GSAP: variants seen among roughly 807,000 people sequenced by gnomAD.
GSAP encodes gamma-secretase activating protein.
GSAP carries 118 observed loss-of-function variants against 131.7 expected under a neutral mutation model. The ratio of observed to expected loss-of-function variants is 0.90; its 90% confidence interval spans 0.77 to 1.04. The LOEUF is 1.04. GSAP is among the 50% of genes least tolerant of loss of function. The pLI, the probability that GSAP is intolerant of heterozygous loss-of-function variation, is 0.00. For missense variants in GSAP, 1,019 were observed against 1,013.2 expected, an observed-to-expected ratio of 1.01 and a Z score of -0.08; for synonymous variants, 381 against 363.4, an observed-to-expected ratio of 1.05 and a Z score of -0.55.
chr7:77,406,986 G>A (rs868239400), intron 1 of GSAP, among the ~76,000 whole-genome samples: 9 of 152,190 alleles, frequency 5.9e-5, no homozygotes, highest in Non-Finnish European at 8.8e-5. Context: ...AAGAACCCGG[G>A]CTAGGGATGC....
chr7:77,394,098 A>G (rs192704255), intron 5 of GSAP, among the ~76,000 whole-genome samples: 263 of 152,320 alleles, frequency 1.7e-3, no homozygotes, highest in African/African-American at 6.0e-3. Flanking sequence ...GCCGCAGTCC[A>G]TCTTCCACGC....
Position 77,321,372 on chromosome 7 carries a change from T to C in GSAP, c.1955A>G (p.Asn652Ser), listed in dbSNP as rs767016428. Residue 652 changes from asparagine to serine, a missense_variant, in exon 25 of 31, where the codon AAT (asparagine) becomes AGT (serine). Physicochemically the swap from Asn to Ser is conservative, Grantham distance 46. Coordinates refer to ENST00000257626, the MANE Select transcript of GSAP (RefSeq NM_017439.4). ...GGAATGAAGATTATGTTTCCTCCAA[T>C]TGGTTTCTACGATGTGGCAAATGAG... ...LDLICHIVET[N>S]WRKHNLHSWV... is the part of the protein sequence containing the mutation. The C allele has an allele frequency of 1.9e-6, 3 of 1,607,384 alleles. No homozygotes were observed. Among genetic ancestry groups the C allele is most frequent in the South Asian group, 1.1e-5 (1 of 90,938 alleles).
intron 24 of GSAP, among the ~76,000 whole-genome samples, chr7:77,322,553 T>C (rs150072527): frequency 7.9e-5 from 12 of 151,168 alleles, no homozygotes; most frequent in African/African-American, 1.7e-4. Context: ...AGGTGATAGG[T>C]GGATGTGTTA....
intron 12 of GSAP, among the ~76,000 whole-genome samples, chr7:77,370,216 G>A (rs1406662495): frequency 6.6e-6 from 1 of 152,198 alleles, no homozygotes; most frequent in African/African-American, 2.4e-5. Context: ...CCAGCACTTT[G>A]GGAAGCCAAG....
Position 77,310,814 on chromosome 7 carries a change from A to AAAAT in GSAP, c.*540_*543dup, listed in dbSNP as rs3841450. 1 of 152,160 alleles carries AAAAT rather than the reference A, an allele frequency of 6.6e-6. No homozygotes were observed. The highest frequency in any genetic ancestry group is 2.4e-5 in the African/African-American group (1 of 41,428). The allele number at this position is 152,160 out of a possible 1,614,324, so 9.4% of individuals were successfully genotyped here. The stretch of plus-strand genomic sequence containing the variant: ...TAAATCAACCTTTTATAAATAAAAA[A>AAAAT]AAATAAATATGTTTCATCTGAATTC... On this transcript the variant is annotated 3_prime_UTR_variant, in exon 31 of 31. Transcript: ENST00000257626.
At chr7:77,324,706 A>T (rs1389751889) in intron 23 of GSAP, among the ~76,000 whole-genome samples, 1 of 152,014 alleles carries the variant, frequency 6.6e-6, no homozygotes, top group Non-Finnish European at 1.5e-5. Flanking sequence ...TTTTCCATGA[A>T]GATAAAAATT....
chr7:77,355,904 C>T (rs556744508), intron 14 of GSAP, among the ~76,000 whole-genome samples: 3 of 150,844 alleles, frequency 2.0e-5, no homozygotes, highest in Non-Finnish European at 4.4e-5. Context: ...ATCCTCCCCA[C>T]CTCAGCCTCC....
intron 5 of GSAP, among the ~76,000 whole-genome samples, chr7:77,389,794 T>C (rs889478163): frequency 1.3e-5 from 2 of 152,244 alleles, no homozygotes; most frequent in Non-Finnish European, 2.9e-5. Flanking sequence ...TTTGGGTATA[T>C]ACCCAGTAAT....
intron 6 of GSAP, among the ~76,000 whole-genome samples, chr7:77,386,656 C>T (rs1056571459): frequency 2.0e-5 from 3 of 152,108 alleles, no homozygotes; most frequent in Non-Finnish European, 4.4e-5. Context: ...GGTGCCTCAG[C>T]GCTATTCCTG....
chr7:77,340,322 C>T (rs1790716039), intron 19 of GSAP, among the ~76,000 whole-genome samples: 1 of 152,164 alleles, frequency 6.6e-6, no homozygotes, highest in African/African-American at 2.4e-5. Context: ...AGCTTTATTG[C>T]TCACACAAAC....
chr7:77,332,618 GC>G (rs1168930382), intron 19 of GSAP, among the ~76,000 whole-genome samples: 1 of 152,044 alleles, frequency 6.6e-6, no homozygotes, highest in African/African-American at 2.4e-5. Context: ...GAAATCCATG[GC>G]CTAAAATAGA....
intron 29 of GSAP, 28 bp from the exon 30 acceptor site, chr7:77,311,968 G>T: frequency 1.5e-6 from 2 of 1,345,510 alleles, no homozygotes; most frequent in African/African-American, 1.4e-5. Context: ...TCTGGTGTAA[G>T]CTGATTCTCC....
At chr7:77,320,648 T>C (rs1191091179) in intron 26 of GSAP, 77 bp downstream of exon 26, 3 of 846,502 alleles carry the variant, frequency 3.5e-6, no homozygotes, top group Admixed American at 2.0e-5. Context: ...ATCAAACTTA[T>C]AATGTACCAA....
intron 6 of GSAP, among the ~76,000 whole-genome samples, chr7:77,384,377 T>C (rs1209055022): frequency 6.6e-6 from 1 of 152,152 alleles, no homozygotes; most frequent in Non-Finnish European, 1.5e-5. Context: ...TTTTTCTTTC[T>C]ATTATAAGGT....
chr7:77,347,713 G>C (rs1339752304), intron 19 of GSAP, among the ~76,000 whole-genome samples: 1 of 152,070 alleles, frequency 6.6e-6, no homozygotes, highest in East Asian at 1.9e-4. Flanking sequence ...AATATCTGTA[G>C]ATCACAATTA....
chr7:77,383,847 A>T (rs1252274334), intron 6 of GSAP, among the ~76,000 whole-genome samples: 1 of 152,236 alleles, frequency 6.6e-6, no homozygotes, highest in Non-Finnish European at 1.5e-5. Flanking sequence ...TAGTCTCACT[A>T]AACTTAGGAC....
intron 12 of GSAP, among the ~76,000 whole-genome samples, chr7:77,363,036 C>T (rs1794771503): frequency 1.3e-5 from 2 of 152,182 alleles, no homozygotes. Flanking sequence ...CAGCTGTGAA[C>T]ACCAGTTTAT....
At chr7:77,400,168 C>T (rs988325721) in intron 3 of GSAP, among the ~76,000 whole-genome samples, 3 of 152,174 alleles carry the variant, frequency 2.0e-5, no homozygotes, top group African/African-American at 7.2e-5. Context: ...CAGCCTTCCC[C>T]CTTCTGCGAG....
intron 12 of GSAP, among the ~76,000 whole-genome samples, chr7:77,366,197 C>T (rs1013584418): frequency 2.0e-5 from 3 of 151,756 alleles, no homozygotes; most frequent in African/African-American, 7.3e-5. Flanking sequence ...GTTTGGTTTA[C>T]TCTGTTAGTT....
Sources: allele counts gnomAD v4.1 joint callset (sites outside exome capture counted in the v4.1 genomes callset), GRCh38; gene constraint gnomAD v4.1.1; transcripts MANE v1.5; gene names NCBI Gene and HGNC (gene_info 2026-07-23, HGNC 2026-07-21).